DTL: variants seen among roughly 807,000 people sequenced by gnomAD.
DTL encodes denticleless E3 ubiquitin protein ligase adapter.
Under a neutral mutation model 87.0 loss-of-function variants are expected in DTL, and 46 were observed. The ratio of observed to expected loss-of-function variants is 0.53; its 90% confidence interval spans 0.42 to 0.68. The LOEUF (loss-of-function observed/expected upper bound fraction) is 0.68, where lower values mean the gene tolerates loss of function less well. Among genes scored for constraint, DTL ranks in the 30% least tolerant of loss-of-function variants. The pLI, the probability that DTL is intolerant of heterozygous loss-of-function variation, is 0.00. For synonymous variants in DTL, 308 were observed against 311.2 expected (o/e 0.99, Z 0.11); for missense variants, 737 against 869.4 (o/e 0.85, Z 1.91).
At chr1:212,075,650 G>A (rs60690395) in intron 11 of DTL, among the ~76,000 whole-genome samples, 6 of 152,184 alleles carry the variant, frequency 3.9e-5, no homozygotes, top group Admixed American at 2.0e-4. Flanking sequence ...TCATAAAAAC[G>A]TGTTAGACAT....
At chr1:212,061,116 AT>A (rs1361696121) in intron 5 of DTL, among the ~76,000 whole-genome samples, 1 of 152,134 alleles carries the variant, frequency 6.6e-6, no homozygotes, top group East Asian at 1.9e-4. Flanking sequence ...ATACAAAAAA[AT>A]TAACTGGGCA....
Position 212,035,907 on chromosome 1 carries a change from T to C in DTL, c.17T>C (p.Val6Ala). The stretch of plus-strand genomic sequence containing the variant: ...CCGACCCTGATGCTCTTCAATTCGG[T>C]GCTCCGCCAGCCCCAGCTTGGCGTC... MLFNS[V>A]LRQPQLGVLR... The change falls in exon 1 of 15, where the codon GTG becomes GCG. Residue 6 changes from valine to alanine, a missense_variant. Coordinates refer to ENST00000366991, the MANE Select transcript of DTL (RefSeq NM_016448.4). 6.2e-7 allele frequency: 1 copy of C among 1,614,148 alleles called. No homozygotes were observed. The highest frequency in any genetic ancestry group is 1.1e-5 in the South Asian group (1 of 91,078).
At chr1:212,040,393 G>A (rs1667599945) in intron 1 of DTL, among the ~76,000 whole-genome samples, 1 of 152,156 alleles carries the variant, frequency 6.6e-6, no homozygotes, top group Non-Finnish European at 1.5e-5. Flanking sequence ...CCAACCCTAT[G>A]TATGCTGTGT....
intron 5 of DTL, among the ~76,000 whole-genome samples, chr1:212,052,646 A>C (rs1668025828): frequency 1.4e-5 from 2 of 147,824 alleles, no homozygotes; most frequent in Non-Finnish European, 1.5e-5. Flanking sequence ...TCTGCCTCAA[A>C]AAAAAAAAAA....
At chr1:212,058,850 G>C (rs1426443201) in intron 5 of DTL, among the ~76,000 whole-genome samples, 1 of 151,876 alleles carries the variant, frequency 6.6e-6, no homozygotes, top group African/African-American at 2.4e-5. Flanking sequence ...AATGAAAAAG[G>C]AAACATTGCA....
At chr1:212,044,601 TG>T (rs1401380705) in intron 2 of DTL, 58 bp from the exon 3 acceptor site, 6 of 926,186 alleles carry the variant, frequency 6.5e-6, no homozygotes, top group Non-Finnish European at 9.9e-6. Context: ...AGACTCCGTC[TG>T]AAAAAAAAAA....
At chr1:212,082,834 T>G (rs977302972) in intron 13 of DTL, among the ~76,000 whole-genome samples, 2 of 152,120 alleles carry the variant, frequency 1.3e-5, no homozygotes, top group African/African-American at 4.8e-5. Context: ...GAAAATATGA[T>G]TGTTGGGCTT....
rs1378944385 is a variant in DTL, at chr1:212,039,649, G to C, written c.53-3344G>C. On this transcript the variant is annotated intron_variant, in intron 1 of 14. Transcript: ENST00000366991. ...TTTATCATTGTGCAAACATCACAGAGTATAAACACAAAGCTAGATAGTGTA... is the reference window on the plus strand; with the variant it reads ...TTTATCATTGTGCAAACATCACAGACTATAAACACAAAGCTAGATAGTGTA... 3.9e-5 allele frequency among the ~76,000 whole-genome samples: 6 copies of C among 152,176 alleles called. No individual in the cohort carries two copies. The East Asian group carries it at 1.2e-3, about 29-fold the overall frequency.
At chr1:212,085,531 T>A (rs529436879) in intron 13 of DTL, among the ~76,000 whole-genome samples, 1 of 152,374 alleles carries the variant, frequency 6.6e-6, no homozygotes, top group African/African-American at 2.4e-5. Flanking sequence ...GCATTCTTTA[T>A]ATATTCTGGA....
At position 212,100,837 on chromosome 1, in the gene DTL, C is replaced by G; in HGVS notation, c.1847C>G (p.Thr616Ser). Residue 616 changes from threonine (T) to serine (S), a missense_variant, in exon 14 of 15, where the codon ACC becomes AGC. Thr to Ser is a moderately conservative substitution (Grantham distance 58). Transcript: ENST00000366991. ...TKSSKIEGAG[T>S]SISEPPSPIS... ...TCAAGCAAAATTGAAGGAGCTGGTA[C>G]CAGTATCTCAGAGCCTCCGTCTCCT... 2 of 1,614,150 alleles carry G rather than the reference C, an allele frequency of 1.2e-6. No homozygotes were observed. The highest frequency in any genetic ancestry group is 1.7e-6 in the Non-Finnish European group (2 of 1,180,020).
intron 10 of DTL, among the ~76,000 whole-genome samples, chr1:212,070,924 G>A (rs1291693995): frequency 3.3e-5 from 5 of 152,188 alleles, no homozygotes; most frequent in African/African-American, 1.2e-4. Flanking sequence ...AATACTTACA[G>A]GTGTAGTGGG....
chr1:212,077,204 A>C (rs1654856525), intron 11 of DTL, among the ~76,000 whole-genome samples: 1 of 152,150 alleles, frequency 6.6e-6, no homozygotes, highest in Admixed American at 6.5e-5. Flanking sequence ...CTTTTGAAAC[A>C]CACATGCTAA....
At chr1:212,061,498 CA>C (rs150226369) in intron 5 of DTL, among the ~76,000 whole-genome samples, 51 of 144,008 alleles carry the variant, frequency 3.5e-4, no homozygotes, top group African/African-American at 1.3e-3. Flanking sequence ...TAAGATTTCT[CA>C]AAAAAAAAAA....
chr1:212,068,372 TAAAA>T (rs35528691), intron 9 of DTL, 45 bp downstream of exon 9: 64 of 952,494 alleles, frequency 6.7e-5, no homozygotes, highest in South Asian at 1.6e-4. Context: ...AGTTTTTGTT[TAAAA>T]AAAAAAAAAA....
intron 13 of DTL, among the ~76,000 whole-genome samples, chr1:212,098,477 G>T (rs547661505): frequency 4.6e-5 from 7 of 152,164 alleles, no homozygotes; most frequent in African/African-American, 1.7e-4. Context: ...AGGGCCCCAC[G>T]AGTTTTTGTC....
intron 13 of DTL, among the ~76,000 whole-genome samples, chr1:212,087,068 A>G (rs6672030): frequency 0.95 from 145,319 of 152,324 alleles, 69,381 homozygotes; most frequent in East Asian, 1. Context: ...TAGCATAATT[A>G]TTCTAAGGAC....
chr1:212,036,075 T>G, intron 1 of DTL, 133 bp downstream of exon 1: 1 of 798,418 alleles, frequency 1.3e-6, no homozygotes, highest in Admixed American at 2.2e-5. Flanking sequence ...GGTAAATTAG[T>G]GTTAGCAGGG....
At chr1:212,102,769 G>A (rs985667934) in intron 14 of DTL, 73 bp from the exon 15 acceptor site, 2 of 1,035,324 alleles carry the variant, frequency 1.9e-6, no homozygotes, top group African/African-American at 1.6e-5. Flanking sequence ...CTAATTTAAG[G>A]TATGCCTTAG....
chr1:212,064,207 A>G (rs1654422602), intron 6 of DTL, among the ~76,000 whole-genome samples: 1 of 151,992 alleles, frequency 6.6e-6, no homozygotes, highest in South Asian at 2.1e-4. Context: ...ATTTTAATAA[A>G]CCTTATTTTG....
Sources: allele counts gnomAD v4.1 joint callset (sites outside exome capture counted in the v4.1 genomes callset), GRCh38; gene constraint gnomAD v4.1.1; transcripts MANE v1.5; gene names NCBI Gene and HGNC (gene_info 2026-07-23, HGNC 2026-07-21).